Variants in CADM1 observed in about 807,000 individuals in gnomAD.
CADM1 encodes the protein TSLC-1.
CADM1 carries 15 observed loss-of-function variants against 53.1 expected under a neutral mutation model. The ratio of observed to expected loss-of-function variants is 0.28; its 90% CI spans 0.19 to 0.44. The LOEUF is 0.44. Among genes scored for constraint, CADM1 ranks in the 20% least tolerant of loss-of-function variants. The pLI, the probability that CADM1 is intolerant of heterozygous loss-of-function variation, is 1.00. For missense variants in CADM1, 434 were observed against 611.3 expected, an observed-to-expected ratio of 0.71 and a Z score of 3.06; for synonymous variants, 281 against 243.0, an observed-to-expected ratio of 1.16 and a Z score of -1.45.
Position 115,349,867 on chromosome 11 carries a change from G to A in CADM1, c.125-109447C>T, listed in dbSNP as rs138342457. On this transcript the variant is annotated intron_variant, in intron 1 of 11. Coordinates refer to ENST00000331581, the MANE Select transcript of CADM1 (RefSeq NM_001301043.2). ...GAGTATACATGTCTATGGAACTGTC[G>A]GGGAGGTAGTTCACAATAAAAAGGC... is the stretch of plus-strand genomic sequence containing the variant. Among the ~76,000 whole-genome samples, 1,012 of 151,834 alleles carry A rather than the reference G, an allele frequency of 6.7e-3. 10 individuals carry two copies. Among genetic ancestry groups the A allele is most frequent in the African/African-American group, 0.018 (745 of 41,514 alleles).
chr11:115,190,421 C>T (rs1489232225), intron 10 of CADM1, among the ~76,000 whole-genome samples: 1 of 152,058 alleles, frequency 6.6e-6, no homozygotes, highest in Non-Finnish European at 1.5e-5. Flanking sequence ...TGCCCTTCCC[C>T]ACCCCTGACT....
intron 1 of CADM1, among the ~76,000 whole-genome samples, chr11:115,315,118 C>T (rs934583171): frequency 2.0e-5 from 3 of 152,080 alleles, no homozygotes; most frequent in African/African-American, 7.2e-5. Context: ...TCAGAAATGT[C>T]CTTTGTGACA....
At chr11:115,383,621 T>C (rs1455026933) in intron 1 of CADM1, among the ~76,000 whole-genome samples, 1 of 152,212 alleles carries the variant, frequency 6.6e-6, no homozygotes, top group Admixed American at 6.5e-5. Context: ...AGTACAGCTG[T>C]AGAACAGACA....
intron 1 of CADM1, among the ~76,000 whole-genome samples, chr11:115,271,177 T>C (rs1943285807): frequency 2.0e-5 from 3 of 152,150 alleles, no homozygotes; most frequent in Non-Finnish European, 1.5e-5. Flanking sequence ...AGGTTAGAAA[T>C]GGATGCCCTC....
At chr11:115,356,772 T>C (rs1945882999) in intron 1 of CADM1, among the ~76,000 whole-genome samples, 1 of 152,214 alleles carries the variant, frequency 6.6e-6, no homozygotes, top group African/African-American at 2.4e-5. Flanking sequence ...GTGTTTAATG[T>C]ACTACTATAA....
rs527364761 is a variant in CADM1, at chr11:115,414,448, G to T, written c.124+89823C>A. ...GAGTTATATTCTTTGTAGGTCTCTG[G>T]ACGATTCTATACCACATATACAAAG... On this transcript the variant is annotated intron_variant, in intron 1 of 11. Coordinates refer to ENST00000331581, the MANE Select transcript of CADM1 (RefSeq NM_001301043.2). Among the ~76,000 whole-genome samples, 22 of 152,074 alleles carry T rather than the reference G, an allele frequency of 1.4e-4. 1 individual carries two copies. The South Asian group carries it at 4.6e-3, about 32-fold the overall frequency.
At chr11:115,260,560 T>C (rs1003647078) in intron 1 of CADM1, among the ~76,000 whole-genome samples, 2 of 152,252 alleles carry the variant, frequency 1.3e-5, no homozygotes, top group Admixed American at 1.3e-4. Flanking sequence ...TTAGGTCAAA[T>C]GGCTACATGA....
intron 1 of CADM1, among the ~76,000 whole-genome samples, chr11:115,246,641 A>G (rs2134949502): frequency 6.6e-6 from 1 of 152,320 alleles, no homozygotes; most frequent in East Asian, 1.9e-4. Flanking sequence ...AGTCATCAAG[A>G]TATTTCTATT....
intron 1 of CADM1, among the ~76,000 whole-genome samples, chr11:115,257,816 T>C (rs1348719349): frequency 1.3e-5 from 2 of 152,202 alleles, no homozygotes; most frequent in Admixed American, 6.5e-5. Flanking sequence ...TACATCTGCA[T>C]TCTCAAACGT....
intron 7 of CADM1, among the ~76,000 whole-genome samples, chr11:115,211,654 ATTT>A (rs368847838): frequency 2.3e-5 from 3 of 128,974 alleles, no homozygotes; most frequent in African/African-American, 2.9e-5. Context: ...TAATTTTTGT[ATTT>A]TTTTTTTTTT....
intron 1 of CADM1, among the ~76,000 whole-genome samples, chr11:115,297,344 A>G (rs559668811): frequency 6.6e-6 from 1 of 152,332 alleles, no homozygotes; most frequent in East Asian, 1.9e-4. Flanking sequence ...ACAGATGTTC[A>G]GCTGCATGAT....
chr11:115,252,123 G>C (rs1942624726), intron 1 of CADM1, among the ~76,000 whole-genome samples: 2 of 152,188 alleles, frequency 1.3e-5, no homozygotes, highest in South Asian at 4.1e-4. Flanking sequence ...ATCGCACTTG[G>C]AAAACAGGAA....
chr11:115,322,819 G>A (rs138235360), intron 1 of CADM1, among the ~76,000 whole-genome samples: 2 of 152,106 alleles, frequency 1.3e-5, no homozygotes, highest in East Asian at 3.9e-4. Flanking sequence ...ATGGATATTG[G>A]ATATTGTTTC....
chr11:115,377,743 T>C (rs1390894068), intron 1 of CADM1: 1 of 152,190 alleles, frequency 6.6e-6, no homozygotes, highest in East Asian at 1.9e-4. Flanking sequence ...TAGATAAGAA[T>C]ATGTCCACTC....
intron 1 of CADM1, among the ~76,000 whole-genome samples, chr11:115,263,319 G>A (rs1336126883): frequency 6.6e-6 from 1 of 152,224 alleles, no homozygotes; most frequent in Non-Finnish European, 1.5e-5. Flanking sequence ...CTAAGAGGGA[G>A]CAGTATTAAA....
intron 1 of CADM1, among the ~76,000 whole-genome samples, chr11:115,274,250 T>A (rs1368030801): frequency 1.3e-5 from 2 of 152,248 alleles, no homozygotes; most frequent in South Asian, 4.1e-4. Context: ...AGGTTCCCTT[T>A]AGACAACAGG....
At chr11:115,323,282 T>C (rs1944872140) in intron 1 of CADM1, among the ~76,000 whole-genome samples, 1 of 152,194 alleles carries the variant, frequency 6.6e-6, no homozygotes, top group Non-Finnish European at 1.5e-5. Context: ...AACTATTCGG[T>C]AGAAATATAT....
chr11:115,395,458 G>C (rs189138976), intron 1 of CADM1, among the ~76,000 whole-genome samples: 112 of 152,172 alleles, frequency 7.4e-4, no homozygotes, highest in Non-Finnish European at 1.3e-3. Context: ...TCAACAAAAT[G>C]CTGAAAAAAA....
intron 1 of CADM1, among the ~76,000 whole-genome samples, chr11:115,324,466 G>A (rs1944907338): frequency 6.6e-6 from 1 of 151,492 alleles, no homozygotes; most frequent in Non-Finnish European, 1.5e-5. Context: ...ATACTACAGA[G>A]CCCCAATCGG....
Sources: gnomAD v4.1 joint callset for allele counts (sites outside exome capture counted in the v4.1 genomes callset) on GRCh38, gnomAD v4.1.1 for gene constraint, MANE v1.5 for transcripts, NCBI Gene and HGNC (gene_info 2026-07-23, HGNC 2026-07-21) for gene names.